The following TRPC6 variants were observed in gnomAD, a reference collection of about 807,000 sequenced individuals.
TRPC6 encodes transient receptor potential cation channel subfamily C member 6, also known as short transient receptor potential channel 6.
Under a neutral mutation model 90.7 loss-of-function variants are expected in TRPC6, and 55 were observed. The ratio of observed to expected loss-of-function variants is 0.61; its 90% confidence interval spans 0.49 to 0.76. The LOEUF (loss-of-function observed/expected upper bound fraction) is 0.76. TRPC6 is among the 30% of genes least tolerant of loss of function. TRPC6 has a pLI of 0.00. For synonymous variants in TRPC6, 393 were observed against 393.0 expected, an observed-to-expected ratio of 1.00 and a Z score of 0.00; for missense variants, 989 against 1,122.7, an observed-to-expected ratio of 0.88 and a Z score of 1.70.
chr11:101,565,070 A>C (rs757825690), intron 1 of TRPC6, among the ~76,000 whole-genome samples: 3 of 152,110 alleles, frequency 2.0e-5, no homozygotes, highest in Non-Finnish European at 4.4e-5. Flanking sequence ...ATCAGCTCAA[A>C]ATAGATTAAA....
At chr11:101,511,102 C>A (rs958875995) in intron 1 of TRPC6, among the ~76,000 whole-genome samples, 5 of 152,120 alleles carry the variant, frequency 3.3e-5, no homozygotes, top group African/African-American at 1.2e-4. Flanking sequence ...TTATTACATG[C>A]ACAATTATCA....
rs191918515 is a variant in TRPC6 at position 101,476,032 on chromosome 11, T to C, written c.1744+269A>G. Among the ~76,000 whole-genome samples, 274 of 152,242 alleles carry C rather than the reference T, an allele frequency of 1.8e-3. 2 individuals carry two copies. Among genetic ancestry groups the C allele is most frequent in the Non-Finnish European group, 1.8e-3 (123 of 68,012 alleles). On this transcript the variant is annotated intron_variant, in intron 6 of 12. Transcript: ENST00000344327. The stretch of plus-strand genomic sequence containing the variant: ...ATAAATCCAGGACATAAGACATGTA[T>C]TCTCCATGAAGTTTGATAAGTAGCC...
chr11:101,523,856 A>G (rs1329746907), intron 1 of TRPC6, among the ~76,000 whole-genome samples: 2 of 152,252 alleles, frequency 1.3e-5, no homozygotes, highest in Non-Finnish European at 2.9e-5. Context: ...GCAAAAAATG[A>G]TTCAGAATGG....
chr11:101,512,875 C>T (rs997300353), intron 1 of TRPC6, among the ~76,000 whole-genome samples: 3 of 151,834 alleles, frequency 2.0e-5, no homozygotes, highest in Admixed American at 2.0e-4. Flanking sequence ...ATTACACAAG[C>T]ACATTTTCCA....
intron 2 of TRPC6, among the ~76,000 whole-genome samples, chr11:101,492,449 G>A (rs915663637): frequency 6.6e-6 from 1 of 151,966 alleles, no homozygotes; most frequent in Non-Finnish European, 1.5e-5. Context: ...GCCGGGAGTG[G>A]GGATGTGTGC....
intron 1 of TRPC6, among the ~76,000 whole-genome samples, chr11:101,548,385 A>G (rs1861366156): frequency 8.5e-6 from 1 of 118,202 alleles, no homozygotes; most frequent in South Asian, 3.8e-4. Flanking sequence ...ATATATAAAT[A>G]TATTATGTAT....
chr11:101,567,268 G>A (rs1264355241), intron 1 of TRPC6, among the ~76,000 whole-genome samples: 1 of 152,012 alleles, frequency 6.6e-6, no homozygotes, highest in Non-Finnish European at 1.5e-5. Flanking sequence ...CCAAATGGGC[G>A]TAGCCCACCA....
rs554568548 is a variant in TRPC6 at position 101,539,096 on chromosome 11, A to G, written c.171-34298T>C. 9.8e-5 allele frequency among the ~76,000 whole-genome samples: 15 copies of G among 152,296 alleles called. No individual in the cohort carries two copies. In the East Asian group the frequency reaches 2.1e-3, roughly 22 times the overall value. On this transcript the variant is annotated intron_variant, in intron 1 of 12. Coordinates refer to ENST00000344327, the MANE Select transcript of TRPC6 (RefSeq NM_004621.6). ...CACTAAATTTGTGGCAGTGTTTTAC[A>G]CTAGTAATTTGAAAACAAACACATC... is the stretch of plus-strand genomic sequence containing the variant.
At chr11:101,462,347 A>G (rs1859024638) in intron 10 of TRPC6, among the ~76,000 whole-genome samples, 1 of 152,226 alleles carries the variant, frequency 6.6e-6, no homozygotes, top group African/African-American at 2.4e-5. Flanking sequence ...TTCAGTGAAG[A>G]AAGTCAGTGG....
At chr11:101,454,930 AAT>A (rs1239847233) in intron 11 of TRPC6, 86 bp downstream of exon 11, 2 of 1,040,150 alleles carry the variant, frequency 1.9e-6, no homozygotes, top group Non-Finnish European at 2.9e-6. Context: ...TATTGAGAAA[AAT>A]ATCCTGATAC....
chr11:101,501,390 C>T (rs1445897610), intron 2 of TRPC6, among the ~76,000 whole-genome samples: 1 of 151,920 alleles, frequency 6.6e-6, no homozygotes, highest in East Asian at 1.9e-4. Context: ...TTTTTTCTAA[C>T]ATGGCTATAT....
At chr11:101,533,959 C>T (rs1015025907) in intron 1 of TRPC6, among the ~76,000 whole-genome samples, 4 of 152,256 alleles carry the variant, frequency 2.6e-5, no homozygotes, top group South Asian at 4.1e-4. Flanking sequence ...GCTATTAATA[C>T]GTTCCTTGAT....
chr11:101,521,182 G>A (rs1265624511), intron 1 of TRPC6, among the ~76,000 whole-genome samples: 1 of 152,192 alleles, frequency 6.6e-6, no homozygotes, highest in Admixed American at 6.5e-5. Context: ...TCGCAAGCCT[G>A]GAGGACTAGG....
intron 1 of TRPC6, among the ~76,000 whole-genome samples, chr11:101,521,303 C>T (rs1364356850): frequency 6.6e-6 from 1 of 152,148 alleles, no homozygotes; most frequent in Admixed American, 6.5e-5. Flanking sequence ...CTGAAAGGGT[C>T]CCAGATATGT....
chr11:101,490,857 T>A (rs762120219), intron 3 of TRPC6, among the ~76,000 whole-genome samples: 12 of 152,086 alleles, frequency 7.9e-5, no homozygotes, highest in Non-Finnish European at 1.0e-4. Flanking sequence ...ATGCAGCTGG[T>A]GGAAATTCTA....
chr11:101,557,842 A>C (rs1243505488), intron 1 of TRPC6, among the ~76,000 whole-genome samples: 1 of 152,164 alleles, frequency 6.6e-6, no homozygotes, highest in Non-Finnish European at 1.5e-5. Flanking sequence ...GAAAACTATA[A>C]AATGTTGATA....
chr11:101,500,990 A>T (rs137990899), intron 2 of TRPC6, among the ~76,000 whole-genome samples: 31 of 152,136 alleles, frequency 2.0e-4, no homozygotes, highest in African/African-American at 6.3e-4. Context: ...AAAAATATTT[A>T]TACTCACAGA....
intron 1 of TRPC6, among the ~76,000 whole-genome samples, chr11:101,516,074 T>G (rs1009578841): frequency 6.6e-6 from 1 of 151,164 alleles, no homozygotes; most frequent in Non-Finnish European, 1.5e-5. Flanking sequence ...TTTGGGGGCT[T>G]TTGTTTTCTG....
At chr11:101,473,794 A>G (rs760124622) in intron 6 of TRPC6, 21 bp from the exon 7 acceptor site, 12 of 1,613,254 alleles carry the variant, frequency 7.4e-6, no homozygotes, top group Middle Eastern at 1.7e-4. Flanking sequence ...GCAAAGACAA[A>G]GAGTTGTGTG....
Sources: gnomAD v4.1 joint callset for allele counts (sites outside exome capture counted in the v4.1 genomes callset) on GRCh38, gnomAD v4.1.1 for gene constraint, MANE v1.5 for transcripts, NCBI Gene and HGNC (gene_info 2026-07-23, HGNC 2026-07-21) for gene names.